KLHL29: variants seen among roughly 807,000 people sequenced by gnomAD.
KLHL29 encodes the protein kelch-like protein 29.
KLHL29 carries 21 observed loss-of-function variants against 80.4 expected under a neutral mutation model. That is an observed-to-expected ratio of 0.26 (90% CI 0.19 to 0.38). KLHL29 has a LOEUF of 0.38. Among genes scored for constraint, KLHL29 ranks in the 10% least tolerant of loss-of-function variants. The pLI, the probability that KLHL29 is intolerant of heterozygous loss-of-function variation, is 1.00. For synonymous variants in KLHL29, 511 were observed against 526.8 expected (o/e 0.97, Z 0.41); for missense variants, 867 against 1,223.9 (o/e 0.71, Z 4.35).
chr2:23,497,212 C>T (rs1172885255), intron 2 of KLHL29, among the ~76,000 whole-genome samples: 1 of 152,076 alleles, frequency 6.6e-6, no homozygotes, highest in African/African-American at 2.4e-5. Flanking sequence ...TTGGCAACTG[C>T]GATTACTTGA....
chr2:23,644,588 TA>T (rs2149160141), intron 5 of KLHL29, among the ~76,000 whole-genome samples: 2 of 152,342 alleles, frequency 1.3e-5, no homozygotes, highest in African/African-American at 4.8e-5. Context: ...TGCAGGCAGC[TA>T]AACATTGTCA....
At chr2:23,518,674 G>A (rs767431598) in intron 2 of KLHL29, among the ~76,000 whole-genome samples, 9 of 152,144 alleles carry the variant, frequency 5.9e-5, no homozygotes, top group African/African-American at 9.7e-5. Flanking sequence ...TCCACACGCA[G>A]CAAGCACCGC....
intron 3 of KLHL29, among the ~76,000 whole-genome samples, chr2:23,591,244 G>C (rs1439750721): frequency 6.6e-6 from 1 of 152,158 alleles, no homozygotes; most frequent in Admixed American, 6.5e-5. Flanking sequence ...CAAGAGGCCG[G>C]TGCCCTTGGG....
intron 1 of KLHL29, among the ~76,000 whole-genome samples, chr2:23,415,058 G>A (rs934954282): frequency 6.6e-6 from 1 of 152,262 alleles, no homozygotes; most frequent in African/African-American, 2.4e-5. Flanking sequence ...CAGCTGCCCT[G>A]CTGGTCAGAC....
At chr2:23,624,172 A>G (rs1669254062) in intron 3 of KLHL29, among the ~76,000 whole-genome samples, 1 of 152,078 alleles carries the variant, frequency 6.6e-6, no homozygotes, top group Non-Finnish European at 1.5e-5. Flanking sequence ...AGCAATTACT[A>G]CGTGGAATAT....
At chr2:23,679,483 G>A (rs1312469224) in intron 5 of KLHL29, among the ~76,000 whole-genome samples, 1 of 152,102 alleles carries the variant, frequency 6.6e-6, no homozygotes, top group Non-Finnish European at 1.5e-5. Flanking sequence ...CATTTTCACA[G>A]GGTCACTTCC....
chr2:23,592,095 G>A (rs1423524811), intron 3 of KLHL29, among the ~76,000 whole-genome samples: 3 of 152,222 alleles, frequency 2.0e-5, no homozygotes, highest in South Asian at 2.1e-4. Context: ...TACTGGAAGC[G>A]GGCTGCACCC....
chr2:23,703,321 C>T lies in KLHL29; in HGVS notation c.2241C>T (p.Val747=), dbSNP rs541695964. 2.6e-6 allele frequency: 4 copies of T among 1,545,902 alleles called. No individual in the cohort carries two copies. The highest frequency in any genetic ancestry group is 1.4e-5 in the African/African-American group (1 of 72,958). The change falls in exon 12 of 14, where the codon GTC becomes GTT. Residue 747 remains valine (V), a synonymous_variant. Transcript: ENST00000486442. ...GVNEAGRAAG[V]LQSYVPQTNT... is the part of the protein sequence containing the mutation. ...ACGAGGCAGGCCGAGCTGCCGGCGT[C>T]CTCCAGTCTTACGTTCCTCAGACCA...
chr2:23,480,423 G>C (rs969288879), intron 2 of KLHL29, among the ~76,000 whole-genome samples: 4 of 152,072 alleles, frequency 2.6e-5, no homozygotes, highest in Non-Finnish European at 4.4e-5. Flanking sequence ...GGAGGTGGAG[G>C]TTGCAGTGAG....
At chr2:23,545,500 G>C (rs1173769513) in intron 2 of KLHL29, among the ~76,000 whole-genome samples, 1 of 152,232 alleles carries the variant, frequency 6.6e-6, no homozygotes, top group Admixed American at 6.5e-5. Flanking sequence ...TGGCGTCCTC[G>C]GGGTGGGGTG....
At chr2:23,540,134 C>T (rs1666789506) in intron 2 of KLHL29, among the ~76,000 whole-genome samples, 1 of 152,174 alleles carries the variant, frequency 6.6e-6, no homozygotes, top group African/African-American at 2.4e-5. Flanking sequence ...TCATGTCCCC[C>T]AGGATCTTCT....
rs79680860 is a variant in KLHL29, at chr2:23,533,548, AGCCTTGGC to A, written c.-45-28601_-45-28594del. ...ATGCAGCTCTGTGCAGCCTCTGGGG[AGCCTTGGC>A]GCTGGCTCGCAGATCAAAGCTGGGA... is the stretch of plus-strand genomic sequence containing the variant. On this transcript the variant is annotated intron_variant, in intron 2 of 13. Coordinates refer to ENST00000486442, the MANE Select transcript of KLHL29 (RefSeq NM_052920.2). Among the ~76,000 whole-genome samples, 1,042 of 152,200 alleles carry A rather than the reference AGCCTTGGC, an allele frequency of 6.8e-3. 9 individuals carry two copies. Among genetic ancestry groups the A allele is most frequent in the Non-Finnish European group, 0.013 (852 of 68,004 alleles).
At chr2:23,419,416 AG>A (rs1033554280) in intron 1 of KLHL29, among the ~76,000 whole-genome samples, 10 of 151,050 alleles carry the variant, frequency 6.6e-5, no homozygotes, top group African/African-American at 2.4e-4. Context: ...CAGGAGCTGC[AG>A]GGCCGTCTGT....
intron 1 of KLHL29, among the ~76,000 whole-genome samples, chr2:23,409,505 G>T (rs1666812227): frequency 6.6e-6 from 1 of 152,200 alleles, no homozygotes; most frequent in South Asian, 2.1e-4. Flanking sequence ...ATGCCAGTTT[G>T]GGAAGGTTGT....
intron 5 of KLHL29, among the ~76,000 whole-genome samples, chr2:23,661,190 C>T (rs773322095): frequency 1.3e-5 from 2 of 152,024 alleles, no homozygotes; most frequent in Non-Finnish European, 1.5e-5. Flanking sequence ...AAAACTTAAA[C>T]ATTTAGCTGG....
At chr2:23,425,948 T>A (rs765770078) in intron 1 of KLHL29, among the ~76,000 whole-genome samples, 18 of 152,136 alleles carry the variant, frequency 1.2e-4, no homozygotes, top group Non-Finnish European at 2.5e-4. Context: ...GAGCATGCTG[T>A]GTATACATTC....
At chr2:23,664,902 C>T (rs1230532024) in intron 5 of KLHL29, among the ~76,000 whole-genome samples, 2 of 152,220 alleles carry the variant, frequency 1.3e-5, no homozygotes, top group African/African-American at 4.8e-5. Context: ...CACAGAGTGA[C>T]GGGAGCCATA....
At chr2:23,605,951 G>A (rs10865225) in intron 3 of KLHL29, among the ~76,000 whole-genome samples, 61,274 of 151,612 alleles carry the variant, frequency 0.4, 12,577 homozygotes, top group East Asian at 0.65. Context: ...TGTATTTTTG[G>A]TAGAGATGGG....
intron 1 of KLHL29, among the ~76,000 whole-genome samples, chr2:23,408,129 C>A (rs1457539167): frequency 1.3e-5 from 2 of 151,744 alleles, no homozygotes; most frequent in Admixed American, 1.3e-4. Flanking sequence ...GTTTCAAATG[C>A]TGAAGTTTTC....
Sources: gnomAD v4.1 joint callset for allele counts (sites outside exome capture counted in the v4.1 genomes callset) on GRCh38, gnomAD v4.1.1 for gene constraint, MANE v1.5 for transcripts, NCBI Gene and HGNC (gene_info 2026-07-23, HGNC 2026-07-21) for gene names.